ADGRV1: variants seen among roughly 807,000 people sequenced by gnomAD.
ADGRV1 encodes adhesion G protein-coupled receptor V1.
ADGRV1 carries 359 observed loss-of-function variants against 596.2 expected under a neutral mutation model. The ratio of observed to expected loss-of-function variants is 0.60; its 90% CI spans 0.55 to 0.66. The LOEUF is 0.66. Among genes scored for constraint, ADGRV1 ranks in the 30% least tolerant of loss-of-function variants. The probability of loss-of-function intolerance (pLI) is 0.00; values close to 1 mark genes in which losing one functional copy is unlikely to be tolerated. For synonymous variants in ADGRV1, 2,681 were observed against 2,679.2 expected (o/e 1.00, Z -0.02); for missense variants, 7,274 against 7,575.6 (o/e 0.96, Z 1.48).
chr5:90,561,538 C>G (rs181784486), intron 1 of ADGRV1, among the ~76,000 whole-genome samples: 1 of 152,168 alleles, frequency 6.6e-6, no homozygotes, highest in East Asian at 1.9e-4. Flanking sequence ...CAAGGTTGCC[C>G]CAATTAGGAT....
At chr5:90,593,248 A>G (rs1310786978) in intron 1 of ADGRV1, among the ~76,000 whole-genome samples, 2 of 152,310 alleles carry the variant, frequency 1.3e-5, no homozygotes, top group South Asian at 2.1e-4. Flanking sequence ...TGGCACATAT[A>G]CGCCATGGAA....
chr5:90,972,087 G>T (rs554115052), intron 84 of ADGRV1, among the ~76,000 whole-genome samples: 1 of 152,130 alleles, frequency 6.6e-6, no homozygotes, highest in Non-Finnish European at 1.5e-5. Context: ...GACCAATAAA[G>T]CTCAAAAGAG....
At chr5:90,748,772 T>G (rs749211371) in intron 52 of ADGRV1, among the ~76,000 whole-genome samples, 7 of 152,124 alleles carry the variant, frequency 4.6e-5, no homozygotes, top group Non-Finnish European at 1.0e-4. Flanking sequence ...ATAAAAAGTT[T>G]CTTCATGACA....
chr5:90,936,616 TG>T (rs1242131449), intron 83 of ADGRV1, among the ~76,000 whole-genome samples: 1 of 152,018 alleles, frequency 6.6e-6, no homozygotes, highest in Non-Finnish European at 1.5e-5. Context: ...TATCTTTACT[TG>T]GCTTTTAAAT....
rs868539312 is a variant in ADGRV1, at chr5:90,863,850, G to A, written c.17849G>A (p.Gly5950Asp). ...ACTCACATGATGGCAGCCAGCTTAG[G>A]TACACAGGTAGGAGAGCGCTGGCAT... ...LLTHMMAASL[G>D]TQILFLASAY... The change falls in exon 83 of 90, where the codon GGT becomes GAT. Residue 5950 changes from glycine to aspartate, a missense_variant. Transcript: ENST00000405460. 6 of 1,606,084 alleles carry A rather than the reference G, an allele frequency of 3.7e-6. No individual in the cohort carries two copies. In the South Asian group the frequency reaches 4.4e-5, roughly 12 times the overall value.
chr5:90,767,791 G>A (rs887073205), intron 59 of ADGRV1, among the ~76,000 whole-genome samples: 2 of 151,932 alleles, frequency 1.3e-5, no homozygotes, highest in African/African-American at 4.8e-5. Context: ...GAAGTCATCA[G>A]TGATGCCCTC....
chr5:90,613,691 A>G (rs139501836), intron 1 of ADGRV1, among the ~76,000 whole-genome samples: 1 of 152,244 alleles, frequency 6.6e-6, no homozygotes, highest in Non-Finnish European at 1.5e-5. Context: ...TTTTAGAGTC[A>G]GAAGTGTGTG....
At chr5:90,673,473 A>G (rs1772775914) in intron 22 of ADGRV1, among the ~76,000 whole-genome samples, 1 of 152,208 alleles carries the variant, frequency 6.6e-6, no homozygotes, top group Non-Finnish European at 1.5e-5. Flanking sequence ...CACCTGCCTT[A>G]GTCTGTTGGG....
intron 87 of ADGRV1, among the ~76,000 whole-genome samples, chr5:91,132,438 A>C (rs565941876): frequency 6.6e-6 from 1 of 152,332 alleles, no homozygotes; most frequent in East Asian, 1.9e-4. Flanking sequence ...CATTACATAG[A>C]TGACTGCATT....
Position 90,675,406 on chromosome 5 carries a change from A to C in ADGRV1, c.5274A>C (p.Arg1758Ser), listed in dbSNP as rs1056064860. 5 of 1,613,708 alleles carry C rather than the reference A, an allele frequency of 3.1e-6. No homozygotes were observed. The Admixed American group carries it at 8.3e-5, about 27-fold the overall frequency. The change falls in exon 24 of 90, where the codon AGA (arginine) becomes AGC (serine). Residue 1758 changes from arginine to serine, a missense_variant. Coordinates refer to ENST00000405460, the MANE Select transcript of ADGRV1 (RefSeq NM_032119.4). ...TGGGAAGGGTGACTGCGGAATTTAG[A>C]ACAGTGTCCTTGACAGCATTCAGTC... The part of the protein sequence containing the change: ...GLLGRVTAEF[R>S]TVSLTAFSPE...
At chr5:90,592,689 A>C (rs558743922) in intron 1 of ADGRV1, among the ~76,000 whole-genome samples, 127 of 152,312 alleles carry the variant, frequency 8.3e-4, no homozygotes, top group African/African-American at 3.0e-3. Flanking sequence ...AATTTTTGCA[A>C]TCTACCCATC....
chr5:90,561,315 C>G (rs1754802651), intron 1 of ADGRV1, among the ~76,000 whole-genome samples: 1 of 152,078 alleles, frequency 6.6e-6, no homozygotes, highest in South Asian at 2.1e-4. Flanking sequence ...AAACCAACCT[C>G]TTTATTTTAT....
At chr5:90,614,188 A>T in intron 1 of ADGRV1, 1 of 379,950 alleles carries the variant, frequency 2.6e-6, no homozygotes, top group East Asian at 8.4e-5. Context: ...TTGTCATGGA[A>T]AAAAAGGAAA....
chr5:90,879,648 TTAATTTAA>T (rs1251474509), intron 83 of ADGRV1, among the ~76,000 whole-genome samples: 1 of 152,166 alleles, frequency 6.6e-6, no homozygotes, highest in Non-Finnish European at 1.5e-5. Flanking sequence ...ATTTAAAATT[TTAATTTAA>T]ATTATTTTGG....
chr5:90,902,928 T>G (rs1337539537), intron 83 of ADGRV1, among the ~76,000 whole-genome samples: 3 of 152,154 alleles, frequency 2.0e-5, no homozygotes, highest in Admixed American at 6.5e-5. Flanking sequence ...GGAAAGCCAC[T>G]TTTGTGTTTG....
chr5:90,910,755 G>T (rs924190312), intron 83 of ADGRV1, among the ~76,000 whole-genome samples: 1 of 152,104 alleles, frequency 6.6e-6, no homozygotes, highest in Non-Finnish European at 1.5e-5. Context: ...GGTACTCCCA[G>T]TGAGGGGTGG....
At chr5:90,643,278 C>T (rs917537522) in intron 13 of ADGRV1, among the ~76,000 whole-genome samples, 19 of 151,558 alleles carry the variant, frequency 1.3e-4, no homozygotes, top group African/African-American at 4.6e-4. Context: ...CTTAGACTTT[C>T]AGTGTGTGAT....
At chr5:90,882,149 A>G (rs1180407158) in intron 83 of ADGRV1, among the ~76,000 whole-genome samples, 2 of 152,152 alleles carry the variant, frequency 1.3e-5, no homozygotes, top group Non-Finnish European at 2.9e-5. Flanking sequence ...TAATATACTC[A>G]CCTTCAAACA....
intron 76 of ADGRV1, among the ~76,000 whole-genome samples, chr5:90,824,474 T>C (rs1763899425): frequency 6.6e-6 from 1 of 152,252 alleles, no homozygotes; most frequent in Admixed American, 6.5e-5. Flanking sequence ...GTGGTGGTAG[T>C]GCTGGAAAAT....
Sources: allele counts gnomAD v4.1 joint callset (sites outside exome capture counted in the v4.1 genomes callset), GRCh38; gene constraint gnomAD v4.1.1; transcripts MANE v1.5; gene names NCBI Gene and HGNC (gene_info 2026-07-23, HGNC 2026-07-21).